COLGALT1: variants seen among roughly 807,000 people sequenced by gnomAD.
COLGALT1 encodes procollagen galactosyltransferase 1.
A neutral mutation model predicts 60.8 loss-of-function variants in COLGALT1; 43 were observed. The observed-to-expected ratio is 0.71, with a 90% confidence interval of 0.55 to 0.91. The LOEUF (loss-of-function observed/expected upper bound fraction) is 0.91. Among genes scored for constraint, COLGALT1 ranks in the 40% least tolerant of loss-of-function variants. The pLI is 0.00. For missense variants in COLGALT1, 845 were observed against 880.0 expected (o/e 0.96, Z 0.50); for synonymous variants, 369 against 374.2 (o/e 0.99, Z 0.16).
Position 17,581,399 on chromosome 19 carries a change from C to T in COLGALT1, c.1824C>T (p.Asp608=), listed in dbSNP as rs192934316. ...TGAGCCGTGAGGCCAAGAACTCGGA[C>T]GTGCTCCAGTCCCCACTGGACAGTG... ...QALSREAKNS[D]VLQSPLDSAA... Residue 608 remains aspartate (D), a synonymous_variant, in exon 12 of 12, where the codon GAC becomes GAT. Transcript: ENST00000252599. 3.7e-5 allele frequency: 59 copies of T among 1,612,066 alleles called. No homozygotes were observed. The highest frequency in any genetic ancestry group is 1.0e-4 in the Admixed American group (6 of 60,018).
intron 5 of COLGALT1, 150 bp downstream of exon 5, chr19:17,568,863 GATA>G (rs1226591951): frequency 1.3e-6 from 1 of 749,666 alleles, no homozygotes; most frequent in African/African-American, 1.7e-5. Context: ...TAGGTGTTCA[GATA>G]ATGTCTCCAG....
rs374042241 is a variant in COLGALT1, at chr19:17,560,342, C to T, written c.372-6C>T. 5.0e-6 allele frequency: 8 copies of T among 1,612,628 alleles called. No homozygotes were observed. The highest frequency in any genetic ancestry group is 1.1e-5 in the South Asian group (1 of 91,032). ...TGATGTCCACATCACAGCTGCCTCCCCATAGGTCCTACCCGGACGAGGAAG... is the reference window on the plus strand; with the variant it reads ...TGATGTCCACATCACAGCTGCCTCCTCATAGGTCCTACCCGGACGAGGAAG... On this transcript the variant is annotated splice_polypyrimidine_tract_variant and splice_region_variant and intron_variant, in intron 2 of 11. Coordinates refer to ENST00000252599, the MANE Select transcript of COLGALT1 (RefSeq NM_024656.4).
In COLGALT1 at chr19:17,568,373, C is replaced by T. The variant is rs2076291330; in HGVS notation, c.625-136C>T. 3 of 736,282 alleles carry T rather than the reference C, an allele frequency of 4.1e-6. No homozygotes were observed. The Admixed American group carries it at 6.2e-5, about 15-fold the overall frequency. The allele number at this position is 736,282 out of a possible 1,614,324, so 45.6% of individuals were successfully genotyped here. On this transcript the variant is annotated intron_variant, in intron 4 of 11. Transcript: ENST00000252599. ...CACAGGTCCCACACTGGGCTTGAGT[C>T]TGGGGTCCTGGGACCACAGGCGCAC...
chr19:17,558,615 T>C (rs1446725945), intron 1 of COLGALT1, among the ~76,000 whole-genome samples: 1 of 151,692 alleles, frequency 6.6e-6, no homozygotes, highest in Admixed American at 6.6e-5. Context: ...TAGGCGGAGA[T>C]TGCAGTGAAC....
intron 6 of COLGALT1, 40 bp downstream of exon 6, chr19:17,572,642 G>A (rs1469105546): frequency 1.2e-6 from 2 of 1,610,604 alleles, no homozygotes. Context: ...GTGCCAGGTT[G>A]CCTCCCTTTC....
chr19:17,558,255 AG>A (rs1245943214), intron 1 of COLGALT1, among the ~76,000 whole-genome samples: 12 of 148,468 alleles, frequency 8.1e-5, no homozygotes, highest in Non-Finnish European at 1.2e-4. Context: ...TTGTATTTTT[AG>A]TAGAGATGGG....
At position 17,577,191 on chromosome 19, in the gene COLGALT1, A is replaced by G. The variant is rs1189751378; in HGVS notation, c.950-4A>G. ...AGCGACTCCTCAACGTCTGTGCCCC[A>G]CAGTGAAGCACCCGCCCGCAGAGCC... On this transcript the variant is annotated splice_polypyrimidine_tract_variant and splice_region_variant and intron_variant, in intron 6 of 11. Transcript: ENST00000252599. 6.2e-7 allele frequency: 1 copy of G among 1,612,822 alleles called. No homozygotes were observed. Among genetic ancestry groups the G allele is most frequent in the East Asian group, 2.2e-5 (1 of 44,840 alleles).
Position 17,581,335 on chromosome 19 carries a change from A to G in COLGALT1, c.1760A>G (p.Asp587Gly). 6.2e-7 allele frequency: 1 copy of G among 1,613,246 alleles called. No individual in the cohort carries two copies. Among genetic ancestry groups the G allele is most frequent in the Non-Finnish European group, 8.5e-7 (1 of 1,179,960 alleles). Reference protein sequence around the residue: ...WNNEHVKTDWDRAKSQKMREQ... With the variant: ...WNNEHVKTDWGRAKSQKMREQ... ...AATGAGCACGTCAAGACCGACTGGG[A>G]CCGCGCCAAGTCCCAGAAGATGCGG... The change falls in exon 12 of 12, where the codon GAC (aspartate) becomes GGC (glycine). Residue 587 changes from aspartate (D) to glycine (G), a missense_variant. Coordinates refer to ENST00000252599, the MANE Select transcript of COLGALT1 (RefSeq NM_024656.4).
chr19:17,558,822 T>G (rs1232491121), intron 1 of COLGALT1, among the ~76,000 whole-genome samples: 2 of 151,970 alleles, frequency 1.3e-5, no homozygotes, highest in African/African-American at 4.8e-5. Context: ...GTAAACTGGG[T>G]CCTGTTCCCA....
chr19:17,558,162 C>T (rs1438798298), intron 1 of COLGALT1, among the ~76,000 whole-genome samples: 1 of 151,860 alleles, frequency 6.6e-6, no homozygotes, highest in Non-Finnish European at 1.5e-5. Context: ...TAGGCTCAAA[C>T]TCCTGGCCTC....
At position 17,581,300 on chromosome 19, in the gene COLGALT1, C is replaced by G. The variant is rs770344061; in HGVS notation, c.1725C>G (p.Val575=). 1.2e-6 allele frequency: 2 copies of G among 1,613,108 alleles called. No homozygotes were observed. The highest frequency in any genetic ancestry group is 1.7e-6 in the Non-Finnish European group (2 of 1,180,012). Residue 575 remains valine, a synonymous_variant, in exon 12 of 12, where the codon GTC becomes GTG. Coordinates refer to ENST00000252599, the MANE Select transcript of COLGALT1 (RefSeq NM_024656.4). ...DGYVSDTETS[V]VWNNEHVKTD... ...ATGTGAGTGACACCGAGACCTCAGT[C>G]GTATGGAACAATGAGCACGTCAAGA...
At chr19:17,577,533 T>A in intron 8 of COLGALT1, 66 bp downstream of exon 8, 1 of 1,340,780 alleles carries the variant, frequency 7.5e-7, no homozygotes, top group East Asian at 2.6e-5. Context: ...ACCTCGCTGG[T>A]AGACGGCAAG....
chr19:17,555,819 G>T lies in COLGALT1; in HGVS notation c.106G>T (p.Ala36Ser). 6.3e-6 allele frequency: 8 copies of T among 1,270,272 alleles called. No individual in the cohort carries two copies. The highest frequency in any genetic ancestry group is 7.0e-6 in the Non-Finnish European group (7 of 1,006,832). The allele number at this position is 1,270,272 out of a possible 1,614,324, so 78.7% of individuals were successfully genotyped here. A position where few individuals can be genotyped will look rare whatever the true frequency, so the allele number is the denominator to read the frequency against. ...LPPGAPPGAD[A>S]YFPEERWSPE... ...GCCGGGGGCCCCGCCGGGCGCCGAC[G>T]CCTACTTCCCCGAGGAGCGCTGGAG... is the stretch of plus-strand genomic sequence containing the variant. Residue 36 changes from alanine (A) to serine (S), a missense_variant, in exon 1 of 12, where the codon GCC becomes TCC. Ala to Ser is a moderately conservative substitution (Grantham distance 99, BLOSUM62 1). Transcript: ENST00000252599.
intron 9 of COLGALT1, among the ~76,000 whole-genome samples, 158 bp from the exon 10 acceptor site, chr19:17,579,324 A>G (rs947562451): frequency 6.6e-6 from 1 of 151,662 alleles, no homozygotes; most frequent in African/African-American, 2.4e-5. Flanking sequence ...GGCAGAGGGC[A>G]GAGGTTTGGA....
intron 11 of COLGALT1, 61 bp from the exon 12 acceptor site, chr19:17,581,113 TTCC>T (rs2076378714): frequency 6.4e-7 from 1 of 1,563,928 alleles, no homozygotes; most frequent in Non-Finnish European, 8.7e-7. Context: ...CCCCCAATTT[TTCC>T]TCCAGCTGTC....
intron 3 of COLGALT1, among the ~76,000 whole-genome samples, chr19:17,566,787 G>A (rs1431440374): frequency 2.0e-5 from 3 of 151,880 alleles, no homozygotes; most frequent in Non-Finnish European, 4.4e-5. Context: ...ACAGCAAGAT[G>A]CTATCCCTTT....
At chr19:17,580,378 A>C in intron 10 of COLGALT1, 5 of 400,070 alleles carry the variant, frequency 1.2e-5, no homozygotes, top group Non-Finnish European at 1.9e-5. Flanking sequence ...CCCCCCCATC[A>C]GGGCACCTCG....
intron 9 of COLGALT1, 118 bp downstream of exon 9, chr19:17,578,207 A>G (rs2076356884): frequency 4.4e-6 from 5 of 1,148,220 alleles, no homozygotes; most frequent in Non-Finnish European, 4.7e-6. Flanking sequence ...AGCCTCAGCC[A>G]TGGGACCCAT....
chr19:17,557,974 G>A (rs147110233), intron 1 of COLGALT1, among the ~76,000 whole-genome samples: 1,863 of 151,926 alleles, frequency 0.012, 15 homozygotes, highest in Admixed American at 0.018. Flanking sequence ...TCTCGCTCTC[G>A]TTGCTGAGGC....
Sources: allele counts gnomAD v4.1 joint callset (sites outside exome capture counted in the v4.1 genomes callset), GRCh38; gene constraint gnomAD v4.1.1; transcripts MANE v1.5; gene names NCBI Gene and HGNC (gene_info 2026-07-23, HGNC 2026-07-21).